The following MTHFD2L variants were observed in gnomAD, a reference collection of about 807,000 sequenced individuals.
The protein encoded by MTHFD2L is methylenetetrahydrofolate dehydrogenase (NADP+ dependent) 2 like, also known as bifunctional methylenetetrahydrofolate dehydrogenase/cyclohydrolase 2, mitochondrial.
A neutral mutation model predicts 34.9 loss-of-function variants in MTHFD2L; 29 were observed. The ratio of observed to expected loss-of-function variants is 0.83; its 90% CI spans 0.62 to 1.13. The LOEUF (loss-of-function observed/expected upper bound fraction) is 1.13, where lower values mean the gene tolerates loss of function less well. Ranked by LOEUF, MTHFD2L falls within the 50% of genes most tolerant of loss-of-function variation. MTHFD2L has a pLI of 0.00. For synonymous variants in MTHFD2L, 167 were observed against 155.7 expected (o/e 1.07, Z -0.54); for missense variants, 481 against 446.5 (o/e 1.08, Z -0.70).
chr4:74,239,200 C>A (rs2110163850), intron 6 of MTHFD2L, among the ~76,000 whole-genome samples: 1 of 152,198 alleles, frequency 6.6e-6, no homozygotes, highest in Non-Finnish European at 1.5e-5. Context: ...ATGGATGCAG[C>A]TGGAAACCGT....
At position 74,212,711 on chromosome 4, in the gene MTHFD2L, C is replaced by T. The variant is rs561400750; in HGVS notation, c.712+11341C>T. Among the ~76,000 whole-genome samples, 22 of 152,142 alleles carry T rather than the reference C, an allele frequency of 1.4e-4. No individual in the cohort carries two copies. In the South Asian group the frequency reaches 2.1e-3, roughly 14 times the overall value. ...AAGTTTTGTAGATGTCTATTAGGTC[C>T]GCTTGCTCCAGAGCTGAGTTCAAGT... is the stretch of plus-strand genomic sequence containing the variant. On this transcript the variant is annotated intron_variant, in intron 5 of 7. Coordinates refer to ENST00000325278, the MANE Select transcript of MTHFD2L (RefSeq NM_001144978.3).
chr4:74,149,115 T>G (rs1382430363), intron 1 of MTHFD2L, among the ~76,000 whole-genome samples: 1 of 151,834 alleles, frequency 6.6e-6, no homozygotes, highest in African/African-American at 2.4e-5. Flanking sequence ...TGATTCCAGC[T>G]CTCATTAGAT....
At chr4:74,299,471 C>T (rs557505640) in intron 7 of MTHFD2L, among the ~76,000 whole-genome samples, 2 of 151,854 alleles carry the variant, frequency 1.3e-5, no homozygotes, top group East Asian at 1.9e-4. Flanking sequence ...AAGTTTTAAA[C>T]GCATTGCTTC....
chr4:74,237,658 C>CT (rs1326095129), intron 6 of MTHFD2L, among the ~76,000 whole-genome samples: 9 of 152,076 alleles, frequency 5.9e-5, no homozygotes, highest in Non-Finnish European at 1.2e-4. Context: ...TTGGTTTAAG[C>CT]TTTTTTCCTA....
chr4:74,249,155 C>G (rs1445505485), intron 6 of MTHFD2L, among the ~76,000 whole-genome samples: 1 of 150,854 alleles, frequency 6.6e-6, no homozygotes, highest in Non-Finnish European at 1.5e-5. Context: ...CTTTATGAAT[C>G]TGGGTGCTCC....
intron 1 of MTHFD2L, among the ~76,000 whole-genome samples, chr4:74,173,035 C>T (rs1237975560): frequency 1.3e-5 from 2 of 152,110 alleles, no homozygotes; most frequent in African/African-American, 4.8e-5. Flanking sequence ...CTTTCCTCCT[C>T]CTCTTTCTCT....
At chr4:74,157,742 G>C (rs1207516070), upstream of MTHFD2L, 1 of 470,682 alleles carries the variant, frequency 2.1e-6, no homozygotes, top group South Asian at 1.5e-5. Flanking sequence ...CGTAGTCACG[G>C]AGACTGTTGG....
intron 5 of MTHFD2L, among the ~76,000 whole-genome samples, chr4:74,224,451 G>C (rs1738816540): frequency 6.6e-6 from 1 of 152,086 alleles, no homozygotes; most frequent in Admixed American, 6.6e-5. Context: ...TAAAAATGGT[G>C]ATCATGTAAC....
intron 6 of MTHFD2L, among the ~76,000 whole-genome samples, chr4:74,269,861 T>C (rs1180810720): frequency 6.6e-6 from 1 of 152,130 alleles, no homozygotes; most frequent in African/African-American, 2.4e-5. Context: ...AGGTGTATTA[T>C]TTGATATTTC....
intron 5 of MTHFD2L, among the ~76,000 whole-genome samples, chr4:74,204,792 A>G (rs1421253602): frequency 2.0e-5 from 3 of 152,128 alleles, no homozygotes; most frequent in Non-Finnish European, 4.4e-5. Context: ...ATTTTTTATC[A>G]TGTATGATTT....
At chr4:74,227,699 C>T (rs1397311064) in intron 6 of MTHFD2L, among the ~76,000 whole-genome samples, 3 of 152,046 alleles carry the variant, frequency 2.0e-5, no homozygotes, top group Non-Finnish European at 4.4e-5. Flanking sequence ...ACGTTGTCGG[C>T]CATGGTTAGG....
chr4:74,299,888 G>T (rs541741488), intron 7 of MTHFD2L, among the ~76,000 whole-genome samples: 1 of 151,988 alleles, frequency 6.6e-6, no homozygotes, highest in South Asian at 2.1e-4. Flanking sequence ...AGATGGTGGG[G>T]CTTTCAATTC....
intron 6 of MTHFD2L, among the ~76,000 whole-genome samples, chr4:74,255,620 A>G (rs1374779151): frequency 6.6e-6 from 1 of 152,018 alleles, no homozygotes; most frequent in Non-Finnish European, 1.5e-5. Context: ...ACCAATAGTT[A>G]TTTTTTCAGG....
intron 6 of MTHFD2L, among the ~76,000 whole-genome samples, chr4:74,255,799 C>T (rs1336518518): frequency 6.6e-6 from 1 of 152,140 alleles, no homozygotes; most frequent in Non-Finnish European, 1.5e-5. Flanking sequence ...TGGCCTAAAG[C>T]TCTATCCATA....
At chr4:74,184,444 T>C (rs922216758) in intron 3 of MTHFD2L, among the ~76,000 whole-genome samples, 2 of 152,138 alleles carry the variant, frequency 1.3e-5, no homozygotes, top group African/African-American at 4.8e-5. Flanking sequence ...TTCATAATAA[T>C]TAAAGAGTTG....
chr4:74,218,830 T>A (rs141970392), intron 5 of MTHFD2L, among the ~76,000 whole-genome samples: 2 of 152,090 alleles, frequency 1.3e-5, no homozygotes, highest in African/African-American at 4.8e-5. Context: ...AAAAAACATA[T>A]CTTGTCTACC....
chr4:74,231,487 A>C (rs554447231), intron 6 of MTHFD2L, among the ~76,000 whole-genome samples: 1 of 152,152 alleles, frequency 6.6e-6, no homozygotes, highest in Non-Finnish European at 1.5e-5. Flanking sequence ...GGCTTCACTC[A>C]TACTATAGTC....
At chr4:74,131,368 T>A (rs913240279) in intron 1 of MTHFD2L, among the ~76,000 whole-genome samples, 27 of 152,212 alleles carry the variant, frequency 1.8e-4, no homozygotes, top group African/African-American at 6.0e-4. Flanking sequence ...AACAGCATGG[T>A]ACTGGTAACA....
chr4:74,121,814 C>G (rs960109257), upstream of MTHFD2L, among the ~76,000 whole-genome samples: 46 of 151,438 alleles, frequency 3.0e-4, no homozygotes, highest in African/African-American at 1.0e-3. Context: ...AAAGCATCCC[C>G]TTATCCCAAT....
Sources: gnomAD v4.1 joint callset for allele counts (sites outside exome capture counted in the v4.1 genomes callset) on GRCh38, gnomAD v4.1.1 for gene constraint, MANE v1.5 for transcripts, NCBI Gene and HGNC (gene_info 2026-07-23, HGNC 2026-07-21) for gene names.